Variants in SLC45A2 observed in about 807,000 individuals in gnomAD.
The protein encoded by SLC45A2 is solute carrier family 45 member 2, also known as membrane-associated transporter protein.
SLC45A2 carries 36 observed loss-of-function variants against 45.5 expected under a neutral mutation model. The observed-to-expected ratio is 0.79, with a 90% CI of 0.61 to 1.04. SLC45A2 has a LOEUF of 1.04. SLC45A2 is among the 50% of genes least tolerant of loss of function. The pLI is 0.00. For synonymous variants in SLC45A2, 306 were observed against 269.3 expected (o/e 1.14, Z -1.33); for missense variants, 719 against 671.0 (o/e 1.07, Z -0.79).
At chr5:33,972,914 T>A (rs1752828724) in intron 2 of SLC45A2, among the ~76,000 whole-genome samples, 1 of 152,264 alleles carries the variant, frequency 6.6e-6, no homozygotes, top group Non-Finnish European at 1.5e-5. Flanking sequence ...GAAAATGGTT[T>A]GAGGTAGTAG....
intron 2 of SLC45A2, among the ~76,000 whole-genome samples, chr5:33,975,321 A>T (rs1752895940): frequency 6.6e-6 from 1 of 152,254 alleles, no homozygotes; most frequent in Admixed American, 6.5e-5. Context: ...AACATGTTTA[A>T]GTGCCTGCTA....
intron 2 of SLC45A2, among the ~76,000 whole-genome samples, chr5:33,981,380 T>C (rs1005413673): frequency 1.3e-5 from 2 of 152,178 alleles, no homozygotes; most frequent in Non-Finnish European, 2.9e-5. Flanking sequence ...TTCATGGACC[T>C]ACCTGGCCAT....
chr5:33,975,448 A>G (rs1158146282), intron 2 of SLC45A2, among the ~76,000 whole-genome samples: 1 of 152,240 alleles, frequency 6.6e-6, no homozygotes, highest in Non-Finnish European at 1.5e-5. Context: ...TACAGGGGAG[A>G]GAGTGAACAA....
In SLC45A2 at chr5:33,970,566, T is replaced by TGTTGGTTG. The variant is rs3836801; in HGVS notation, c.563-6558_563-6551dup. On this transcript the variant is annotated intron_variant, in intron 2 of 6. Transcript: ENST00000296589. ...TGGTTAGCTGGTTGGCTGACTGGCT[T>TGTTGGTTG]GTTGGTTGGTTGGTTGGTTGGTTGG... 2.3e-3 allele frequency among the ~76,000 whole-genome samples: 344 copies of TGTTGGTTG among 150,820 alleles called. 1 individual carries two copies. The highest frequency in any genetic ancestry group is 6.5e-3 in the East Asian group (33 of 5,082).
intron 6 of SLC45A2, among the ~76,000 whole-genome samples, chr5:33,945,631 T>C (rs2111895681): frequency 6.6e-6 from 1 of 152,288 alleles, no homozygotes; most frequent in East Asian, 1.9e-4. Flanking sequence ...ACAATTATAA[T>C]ACTAGCTATC....
At position 33,954,212 on chromosome 5, in the gene SLC45A2, TAC is replaced by T. The variant is rs1752201072; in HGVS notation, c.1032+147_1032+148del. 12 of 1,111,416 alleles carry T rather than the reference TAC, an allele frequency of 1.1e-5. No homozygotes were observed. The East Asian group carries it at 2.8e-4, about 26-fold the overall frequency. 68.8% of individuals were successfully genotyped at this position (1,111,416 alleles called of 1,614,324 possible). On this transcript the variant is annotated intron_variant, in intron 4 of 6. Coordinates refer to ENST00000296589, the MANE Select transcript of SLC45A2 (RefSeq NM_016180.5). ...TGTCCAGGGTATAGTAGCATTTTTCTACACCTGTCTGTAAGTCAGCTTCTTGA... is the reference window on the plus strand; with the variant it reads ...TGTCCAGGGTATAGTAGCATTTTTCTACCTGTCTGTAAGTCAGCTTCTTGA...
intron 2 of SLC45A2, among the ~76,000 whole-genome samples, chr5:33,970,134 C>T (rs1428446356): frequency 6.6e-6 from 1 of 152,184 alleles, no homozygotes; most frequent in Non-Finnish European, 1.5e-5. Flanking sequence ...CACTGCAAAC[C>T]TTCTCGGTCC....
intron 5 of SLC45A2, 64 bp from the exon 6 acceptor site, chr5:33,947,438 A>AAGAAAGGATTGT: frequency 7.0e-7 from 1 of 1,425,008 alleles, no homozygotes; most frequent in Non-Finnish European, 9.9e-7. Context: ...ATAATTTCAG[A>AAGAAAGGATTGT]CAATCCTTTC....
intron 2 of SLC45A2, among the ~76,000 whole-genome samples, chr5:33,966,269 G>A (rs1190354247): frequency 6.6e-6 from 1 of 152,010 alleles, no homozygotes; most frequent in Non-Finnish European, 1.5e-5. Flanking sequence ...ATGTCTACTG[G>A]TTTACTTTAG....
chr5:33,982,091 G>A, intron 2 of SLC45A2, 145 bp downstream of exon 2: 2 of 873,302 alleles, frequency 2.3e-6, no homozygotes, highest in Non-Finnish European at 3.8e-6. Flanking sequence ...AAATGCACGG[G>A]GAGACAGTGC....
intron 2 of SLC45A2, among the ~76,000 whole-genome samples, chr5:33,979,697 G>A (rs997781078): frequency 6.6e-6 from 1 of 152,160 alleles, no homozygotes; most frequent in Admixed American, 6.5e-5. Context: ...TAAAGTCTCT[G>A]CTTTAATGTT....
At chr5:33,944,915 T>C in intron 6 of SLC45A2, 43 bp from the exon 7 acceptor site, 1 of 1,573,776 alleles carries the variant, frequency 6.4e-7, no homozygotes. Flanking sequence ...TACAAGGAAC[T>C]GTCATTTAGG....
intron 2 of SLC45A2, among the ~76,000 whole-genome samples, chr5:33,965,628 C>T (rs1752583870): frequency 6.6e-6 from 1 of 152,092 alleles, no homozygotes; most frequent in African/African-American, 2.4e-5. Context: ...TGGTGAAGTG[C>T]CCAGGATTTG....
In SLC45A2 at chr5:33,946,007, A is replaced by G. The variant is rs1431784668; in HGVS notation, c.1369-1135T>C. On this transcript the variant is annotated intron_variant, in intron 6 of 6. Transcript: ENST00000296589. ...TGCACTTTTGTGTATCATTGTGAAT[A>G]TATTATCTCACCTAAAAATGAACTC... The G allele has an allele frequency of 3.0e-6, 3 of 985,360 alleles. 1 individual carries two copies. In the Admixed American group the frequency reaches 1.8e-4, roughly 61 times the overall value. The allele number at this position is 985,360 out of a possible 1,614,324, so 61.0% of individuals were successfully genotyped here.
rs1338415212 is a variant in SLC45A2 at position 33,963,771 on chromosome 5, A to G, written c.808T>C (p.Ser270Pro). The change falls in exon 3 of 7, where the codon TCT (serine) becomes CCT (proline). Residue 270 changes from serine to proline, a missense_variant. Physicochemically the swap from Ser to Pro is moderately conservative, Grantham distance 74. Transcript: ENST00000296589. ...TAACCATTTTTAACTTTCTCGATAGAACCATACTCGTACATTCCATCTGAT... is the reference window on the plus strand; with the variant it reads ...TAACCATTTTTAACTTTCTCGATAGGACCATACTCGTACATTCCATCTGAT... ...LSSDGMYEYG[S>P]IEKVKNGYVN... 6.2e-7 allele frequency: 1 copy of G among 1,614,154 alleles called. No individual in the cohort carries two copies. Among genetic ancestry groups the G allele is most frequent in the Admixed American group, 1.7e-5 (1 of 60,028 alleles).
At chr5:33,975,892 C>T (rs79892258) in intron 2 of SLC45A2, among the ~76,000 whole-genome samples, 3,605 of 152,234 alleles carry the variant, frequency 0.024, 149 homozygotes, top group African/African-American at 0.082. Flanking sequence ...ATTCCCCCTT[C>T]CTTCTCCCTG....
In SLC45A2 at chr5:33,984,218, A is replaced by G; in HGVS notation, c.366T>C (p.Asn122=). Residue 122 remains asparagine, a synonymous_variant, in exon 1 of 7, where the codon AAT becomes AAC. Transcript: ENST00000296589. ...ACTTACCTGCTACAACAGTAGCCCCATTGAGGTACAGAGCCATGCCCACGA... is the reference window on the plus strand; with the variant it reads ...ACTTACCTGCTACAACAGTAGCCCCGTTGAGGTACAGAGCCATGCCCACGA... The part of the protein sequence containing the change: ...MMLVGMALYL[N]GATVVAALIA... 1 of 1,614,028 alleles carries G rather than the reference A, an allele frequency of 6.2e-7. No individual in the cohort carries two copies. The highest frequency in any genetic ancestry group is 8.5e-7 in the Non-Finnish European group (1 of 1,180,000).
intron 3 of SLC45A2, 62 bp downstream of exon 3, chr5:33,963,629 C>A (rs66533338): frequency 3.5e-4 from 8 of 22,714 alleles, no homozygotes; most frequent in Non-Finnish European, 7.1e-3. Context: ...ATTAAAAAAA[C>A]AACAACAACA....
At position 33,984,469 on chromosome 5, in the gene SLC45A2, T is replaced by G; in HGVS notation, c.115A>C (p.Ser39Arg). The change falls in exon 1 of 7, where the codon AGC becomes CGC. Residue 39 changes from serine (S) to arginine (R), a missense_variant. By Grantham distance (110) the Ser-to-Arg change is moderately radical. Transcript: ENST00000296589. ...KRPTSRLIMHSMAMFGREFCY... is the reference protein window; with the variant it reads ...KRPTSRLIMHRMAMFGREFCY... ...AACTCTCTTCCGAACATGGCCATGC[T>G]GTGCATGATGAGTCTGCTGGTGGGT... The G allele has an allele frequency of 6.2e-7, 1 of 1,613,768 alleles. No homozygotes were observed. Among genetic ancestry groups the G allele is most frequent in the Non-Finnish European group, 8.5e-7 (1 of 1,180,032 alleles).
Sources: allele counts gnomAD v4.1 joint callset (sites outside exome capture counted in the v4.1 genomes callset), GRCh38; gene constraint gnomAD v4.1.1; transcripts MANE v1.5; gene names NCBI Gene and HGNC (gene_info 2026-07-23, HGNC 2026-07-21).